The following AP2A2 variants were observed in gnomAD, a reference collection of about 807,000 sequenced individuals.
AP2A2 encodes adaptor related protein complex 2 subunit alpha 2, also known as AP-2 complex subunit alpha-2.
Under a neutral mutation model 104.2 loss-of-function variants are expected in AP2A2, and 32 were observed. The observed-to-expected ratio is 0.31, with a 90% CI of 0.23 to 0.41. The LOEUF is 0.41. Among genes scored for constraint, AP2A2 ranks in the 10% least tolerant of loss-of-function variants. The pLI is 1.00. For missense variants in AP2A2, 912 were observed against 1,261.0 expected, an observed-to-expected ratio of 0.72 and a Z score of 4.19; for synonymous variants, 539 against 533.3, an observed-to-expected ratio of 1.01 and a Z score of -0.15.
chr11:1,009,656 T>C, intron 20 of AP2A2, 27 bp from the exon 21 acceptor site: 1 of 1,547,138 alleles, frequency 6.5e-7, no homozygotes, highest in Non-Finnish European at 8.8e-7. Context: ...CGCGCCAGGG[T>C]CCTCATTCTC....
At chr11:980,741 C>T (rs2133690460) in intron 5 of AP2A2, among the ~76,000 whole-genome samples, 1 of 152,366 alleles carries the variant, frequency 6.6e-6, no homozygotes, top group Admixed American at 6.5e-5. Flanking sequence ...AGGACTTCTC[C>T]AGTTGCTCTT....
At chr11:960,439 T>C (rs1367129772) in intron 2 of AP2A2, among the ~76,000 whole-genome samples, 1 of 151,668 alleles carries the variant, frequency 6.6e-6, no homozygotes. Flanking sequence ...GATTTCTCCA[T>C]GTTGGCCAGG....
rs1855478750 is a variant in AP2A2 at position 986,852 on chromosome 11, C to G, written c.1030C>G (p.Leu344Val). 1 of 1,612,230 alleles carries G rather than the reference C, an allele frequency of 6.2e-7. No individual in the cohort carries two copies. Among genetic ancestry groups the G allele is most frequent in the Non-Finnish European group, 8.5e-7 (1 of 1,179,456 alleles). ...GQFLQHRETN[L>V]RYLALESMCT... ...GTTTCTGCAGCACCGCGAGACCAAC[C>G]TGCGCTACCTGGCCCTGGAGAGCAT... The change falls in exon 9 of 22, where the codon CTG (leucine) becomes GTG (valine). Residue 344 changes from leucine (L) to valine (V), a missense_variant. Transcript: ENST00000448903.
At chr11:981,159 T>A in intron 5 of AP2A2, 39 bp from the exon 6 acceptor site, 3 of 1,538,626 alleles carry the variant, frequency 1.9e-6, no homozygotes, top group Middle Eastern at 1.7e-4. Flanking sequence ...AGTGGTTAGC[T>A]TCAAGTGTTC....
chr11:931,005 A>G (rs1268872725), intron 1 of AP2A2, among the ~76,000 whole-genome samples: 1 of 152,180 alleles, frequency 6.6e-6, no homozygotes, highest in Non-Finnish European at 1.5e-5. Context: ...CTCAGTCAAG[A>G]TACAGAACTA....
chr11:951,928 GT>G (rs67456735), intron 1 of AP2A2, among the ~76,000 whole-genome samples: 77,072 of 151,924 alleles, frequency 0.51, 20,152 homozygotes, highest in Middle Eastern at 0.66. Context: ...GTACAGCGAT[GT>G]CTGTCCTGGC....
At chr11:935,617 T>A (rs1437988684) in intron 1 of AP2A2, among the ~76,000 whole-genome samples, 1 of 142,574 alleles carries the variant, frequency 7.0e-6, no homozygotes, top group African/African-American at 2.6e-5. Context: ...TTTTTTTTTT[T>A]TTTTTTTTGA....
chr11:1,005,729 A>G (rs1173747345), intron 16 of AP2A2, among the ~76,000 whole-genome samples: 1 of 152,248 alleles, frequency 6.6e-6, no homozygotes, highest in Non-Finnish European at 1.5e-5. Flanking sequence ...GAGGGTTGTC[A>G]GAGTGATTCC....
chr11:927,836 A>AG (rs1853168541), intron 1 of AP2A2, among the ~76,000 whole-genome samples: 1 of 151,310 alleles, frequency 6.6e-6, no homozygotes. Context: ...AAAAAAAAAA[A>AG]AAAAGGCTTA....
chr11:976,985 C>T, intron 4 of AP2A2, 110 bp from the exon 5 acceptor site: 1 of 1,483,272 alleles, frequency 6.7e-7, no homozygotes, highest in South Asian at 1.3e-5. Context: ...CTGTCTTGGC[C>T]CCTGCGCCAG....
intron 17 of AP2A2, 160 bp from the exon 18 acceptor site, chr11:1,007,852 A>T: frequency 1.1e-6 from 1 of 945,826 alleles, no homozygotes; most frequent in Non-Finnish European, 1.6e-6. Context: ...GTCTGGGTGG[A>T]AGGGCAGGGC....
intron 14 of AP2A2, chr11:995,511 C>G (rs1855822074): frequency 2.2e-6 from 1 of 449,974 alleles, no homozygotes; most frequent in Non-Finnish European, 4.5e-6. Flanking sequence ...GTGCTGCTAC[C>G]CAGTATCGGC....
chr11:999,174 T>G (rs1855948750), intron 14 of AP2A2, among the ~76,000 whole-genome samples: 1 of 152,144 alleles, frequency 6.6e-6, no homozygotes, highest in Non-Finnish European at 1.5e-5. Flanking sequence ...TTGTGCCCTG[T>G]TGTGAGAGTT....
intron 7 of AP2A2, 103 bp from the exon 8 acceptor site, chr11:985,332 C>A: frequency 7.1e-7 from 1 of 1,402,452 alleles, no homozygotes; most frequent in South Asian, 1.4e-5. Context: ...TGTGAATGAA[C>A]TATATTAAAA....
At chr11:936,945 C>T (rs936383267) in intron 1 of AP2A2, among the ~76,000 whole-genome samples, 22 of 152,124 alleles carry the variant, frequency 1.4e-4, no homozygotes, top group African/African-American at 4.6e-4. Context: ...GCCTGTGCTG[C>T]GGCAGGGGCT....
chr11:956,852 C>A (rs748843110), intron 1 of AP2A2: 5 of 152,226 alleles, frequency 3.3e-5, no homozygotes, highest in Non-Finnish European at 7.3e-5. Flanking sequence ...TGCTGTCCCA[C>A]TACAACACAG....
At chr11:936,173 C>T (rs1480068235) in intron 1 of AP2A2, among the ~76,000 whole-genome samples, 1 of 141,704 alleles carries the variant, frequency 7.1e-6, no homozygotes, top group Non-Finnish European at 1.5e-5. Context: ...TCCCAAAGTG[C>T]TAGGATTACA....
chr11:951,125 T>C (rs1490115135), intron 1 of AP2A2, among the ~76,000 whole-genome samples: 1 of 151,446 alleles, frequency 6.6e-6, no homozygotes, highest in Non-Finnish European at 1.5e-5. Flanking sequence ...TATTAAAATA[T>C]ATATTTCTTC....
chr11:940,015 G>A (rs543526081), intron 1 of AP2A2, among the ~76,000 whole-genome samples: 1 of 147,864 alleles, frequency 6.8e-6, no homozygotes, highest in Non-Finnish European at 1.5e-5. Flanking sequence ...TAGTGCAGTG[G>A]CGCGATCTCG....
Sources: gnomAD v4.1 joint callset for allele counts (sites outside exome capture counted in the v4.1 genomes callset) on GRCh38, gnomAD v4.1.1 for gene constraint, MANE v1.5 for transcripts, NCBI Gene and HGNC (gene_info 2026-07-23, HGNC 2026-07-21) for gene names.